Variants in TCF7L2 observed in about 807,000 individuals in gnomAD.
The protein encoded by TCF7L2 is transcription factor 7 like 2.
A neutral mutation model predicts 77.9 loss-of-function variants in TCF7L2; 23 were observed. The ratio of observed to expected loss-of-function variants is 0.30; its 90% CI spans 0.21 to 0.42. The LOEUF is 0.42. TCF7L2 is among the 10% of genes least tolerant of loss of function. The pLI, the probability that TCF7L2 is intolerant of heterozygous loss-of-function variation, is 1.00. For synonymous variants in TCF7L2, 413 were observed against 340.2 expected (o/e 1.21, Z -2.36); for missense variants, 654 against 793.1 (o/e 0.82, Z 2.11).
chr10:113,123,659 A>T (rs983113951), intron 5 of TCF7L2, among the ~76,000 whole-genome samples: 4 of 152,204 alleles, frequency 2.6e-5, no homozygotes, highest in Non-Finnish European at 5.9e-5. Context: ...TTAAAGTGGC[A>T]TTGGGAATAT....
At chr10:113,155,693 T>G (rs1265634506) in intron 11 of TCF7L2, among the ~76,000 whole-genome samples, 3 of 152,226 alleles carry the variant, frequency 2.0e-5, no homozygotes, top group Non-Finnish European at 4.4e-5. Flanking sequence ...ATGCTGATAC[T>G]CCTTGAAGTT....
chr10:113,036,904 A>T (rs951880965), intron 4 of TCF7L2, among the ~76,000 whole-genome samples: 1 of 151,906 alleles, frequency 6.6e-6, no homozygotes, highest in Non-Finnish European at 1.5e-5. Flanking sequence ...CCCCAAAAGG[A>T]TATAAAACTA....
intron 3 of TCF7L2, among the ~76,000 whole-genome samples, chr10:112,962,461 T>C (rs1218366374): frequency 1.3e-5 from 2 of 152,152 alleles, no homozygotes; most frequent in African/African-American, 4.8e-5. Flanking sequence ...GGCACAGAAG[T>C]TGTTTTAACA....
intron 4 of TCF7L2, among the ~76,000 whole-genome samples, chr10:112,972,562 C>G (rs1005063667): frequency 3.3e-5 from 5 of 152,182 alleles, no homozygotes; most frequent in Non-Finnish European, 5.9e-5. Flanking sequence ...CTCGACCTCC[C>G]TGGACTAAGG....
intron 5 of TCF7L2, among the ~76,000 whole-genome samples, chr10:113,064,321 AG>A (rs2056949258): frequency 6.6e-6 from 1 of 152,236 alleles, no homozygotes; most frequent in South Asian, 2.1e-4. Flanking sequence ...GCTCTGCAGA[AG>A]GTTGGTGAAC....
At chr10:112,968,833 C>G (rs998086492) in intron 4 of TCF7L2, among the ~76,000 whole-genome samples, 2 of 152,138 alleles carry the variant, frequency 1.3e-5, no homozygotes, top group Non-Finnish European at 2.9e-5. Context: ...GCCATTTGGC[C>G]TCCCAAAGTG....
chr10:113,139,811 T>TA (rs34407643), intron 5 of TCF7L2, among the ~76,000 whole-genome samples: 41,015 of 137,926 alleles, frequency 0.3, 6,819 homozygotes, highest in Non-Finnish European at 0.38. Context: ...CTCACCCATT[T>TA]AAAAAAAAAA....
intron 5 of TCF7L2, among the ~76,000 whole-genome samples, chr10:113,130,826 C>T (rs753889918): frequency 6.6e-6 from 1 of 151,702 alleles, no homozygotes; most frequent in South Asian, 2.1e-4. Flanking sequence ...AGTGCAGTGG[C>T]GAGATCTCGG....
intron 11 of TCF7L2, among the ~76,000 whole-genome samples, chr10:113,154,891 C>G (rs1293660373): frequency 1.3e-5 from 2 of 152,124 alleles, no homozygotes; most frequent in Non-Finnish European, 1.5e-5. Flanking sequence ...CTCACACTCA[C>G]GCCTTCCTTT....
At chr10:113,038,969 A>G (rs573740598) in intron 4 of TCF7L2, among the ~76,000 whole-genome samples, 3 of 152,292 alleles carry the variant, frequency 2.0e-5, no homozygotes, top group South Asian at 2.1e-4. Context: ...GTCTCCTTAT[A>G]TCTTATATCC....
At chr10:112,982,449 A>C (rs1010875571) in intron 4 of TCF7L2, among the ~76,000 whole-genome samples, 1 of 152,172 alleles carries the variant, frequency 6.6e-6, no homozygotes, top group Non-Finnish European at 1.5e-5. Context: ...TTTCTGGGCA[A>C]ACTGGGATAG....
intron 12 of TCF7L2, chr10:113,158,682 T>A (rs2072471155): frequency 6.2e-7 from 1 of 1,613,866 alleles, no homozygotes; most frequent in Non-Finnish European, 8.5e-7. Flanking sequence ...AGCGAATGTT[T>A]CCTAAATCCT....
rs1174743549 is a variant in TCF7L2 at position 113,165,812 on chromosome 10, T to A, written c.1649T>A (p.Leu550His). The A allele has an allele frequency of 1.2e-6, 2 of 1,604,320 alleles. No individual in the cohort carries two copies. Among genetic ancestry groups the A allele is most frequent in the East Asian group, 4.5e-5 (2 of 44,726 alleles). Residue 550 changes from leucine to histidine, a missense_variant, in exon 14 of 14, where the codon CTC becomes CAC. Transcript: ENST00000627217. Reference sequence around the variant, plus strand: ...GAGGCCACCCACAAGGCCTCCGCCCTCTGTCCCAACGGGGCCCTGGACCTG... The same window carrying A: ...GAGGCCACCCACAAGGCCTCCGCCCACTGTCCCAACGGGGCCCTGGACCTG...
chr10:112,951,251 A>G lies in TCF7L2; in HGVS notation c.234A>G (p.Lys78=). Reference sequence around the variant, plus strand: ...CTCGCTCCGAAAGTTTCCGAGACAAATCCCGGGAAAGTTTGGAAGAAGGTG... The same window carrying G: ...CTCGCTCCGAAAGTTTCCGAGACAAGTCCCGGGAAAGTTTGGAAGAAGGTG... Residue 78 remains lysine, a synonymous_variant, in exon 2 of 14, where the codon AAA becomes AAG. Transcript: ENST00000627217. The G allele has an allele frequency of 6.4e-7, 1 of 1,553,472 alleles. No homozygotes were observed. Among genetic ancestry groups the G allele is most frequent in the Non-Finnish European group, 8.7e-7 (1 of 1,151,174 alleles).
intron 6 of TCF7L2, among the ~76,000 whole-genome samples, chr10:113,142,636 G>C (rs182953739): frequency 6.6e-6 from 1 of 152,310 alleles, no homozygotes; most frequent in African/African-American, 2.4e-5. Flanking sequence ...ACATGAGCTG[G>C]GTTTTACTGG....
chr10:112,951,719 CTCCCCTCCCT>C, intron 3 of TCF7L2, 112 bp downstream of exon 3: 1 of 433,722 alleles, frequency 2.3e-6, no homozygotes, highest in Non-Finnish European at 3.1e-6. Flanking sequence ...TCCCCGCCTC[CTCCCCTCCCT>C]CCCTCCCCTC....
At chr10:113,071,636 G>A (rs1293073157) in intron 5 of TCF7L2, among the ~76,000 whole-genome samples, 1 of 152,186 alleles carries the variant, frequency 6.6e-6, no homozygotes. Context: ...GTTGGGACTG[G>A]GCACGGGACC....
chr10:113,101,041 C>T (rs1273572427), intron 5 of TCF7L2, among the ~76,000 whole-genome samples: 1 of 152,070 alleles, frequency 6.6e-6, no homozygotes, highest in East Asian at 1.9e-4. Context: ...CGCCATTGCA[C>T]TCCAGGCTGA....
intron 4 of TCF7L2, among the ~76,000 whole-genome samples, chr10:112,989,912 G>A (rs1368959438): frequency 2.0e-5 from 3 of 152,166 alleles, no homozygotes; most frequent in Non-Finnish European, 2.9e-5. Context: ...TAGATGGGGT[G>A]AGGGGAGGGT....
Sources: allele counts gnomAD v4.1 joint callset (sites outside exome capture counted in the v4.1 genomes callset), GRCh38; gene constraint gnomAD v4.1.1; transcripts MANE v1.5; gene names NCBI Gene and HGNC (gene_info 2026-07-23, HGNC 2026-07-21).